PLCB1: variants seen among roughly 807,000 people sequenced by gnomAD.
PLCB1 encodes 1-phosphatidylinositol 4,5-bisphosphate phosphodiesterase beta-1.
A neutral mutation model predicts 161.8 loss-of-function variants in PLCB1; 46 were observed. The ratio of observed to expected loss-of-function variants is 0.28; its 90% CI spans 0.22 to 0.36. The LOEUF is 0.36. Among genes scored for constraint, PLCB1 ranks in the 10% least tolerant of loss-of-function variants. PLCB1 has a pLI of 1.00. For missense variants in PLCB1, 1,016 were observed against 1,472.5 expected (o/e 0.69, Z 5.07); for synonymous variants, 517 against 503.7 (o/e 1.03, Z -0.35).
At chr20:8,340,378 C>T (rs761063433) in intron 2 of PLCB1, among the ~76,000 whole-genome samples, 7 of 152,214 alleles carry the variant, frequency 4.6e-5, no homozygotes, top group Non-Finnish European at 8.8e-5. Flanking sequence ...CTCTATTATG[C>T]ATTTTCAAGG....
chr20:8,267,223 G>C (rs375717527), intron 2 of PLCB1, among the ~76,000 whole-genome samples: 3 of 151,334 alleles, frequency 2.0e-5, no homozygotes, highest in Non-Finnish European at 2.9e-5. Flanking sequence ...TTGGCTTTGT[G>C]CCAGATCCCC....
At chr20:8,739,412 T>A in intron 21 of PLCB1, 52 bp downstream of exon 21, 1 of 1,080,220 alleles carries the variant, frequency 9.3e-7, no homozygotes, top group Non-Finnish European at 1.4e-6. Flanking sequence ...AGAAAATCAT[T>A]ACTGCTTAAA....
At chr20:8,166,214 A>T (rs186794386) in intron 2 of PLCB1, among the ~76,000 whole-genome samples, 25 of 152,072 alleles carry the variant, frequency 1.6e-4, no homozygotes, top group African/African-American at 6.0e-4. Context: ...CCTTTCACCA[A>T]CTTTTCAATA....
At chr20:8,389,886 A>G (rs1987538695) in intron 3 of PLCB1, among the ~76,000 whole-genome samples, 1 of 152,196 alleles carries the variant, frequency 6.6e-6, no homozygotes, top group Admixed American at 6.6e-5. Flanking sequence ...TAAAGTTCCC[A>G]AGAGATTCCA....
At chr20:8,238,378 C>G (rs1404638412) in intron 2 of PLCB1, among the ~76,000 whole-genome samples, 1 of 151,924 alleles carries the variant, frequency 6.6e-6, no homozygotes, top group East Asian at 1.9e-4. Flanking sequence ...CAATGAATTC[C>G]AGGTTAGTGC....
intron 31 of PLCB1, among the ~76,000 whole-genome samples, chr20:8,880,669 C>T (rs1230298522): frequency 6.6e-6 from 1 of 152,090 alleles, no homozygotes; most frequent in Non-Finnish European, 1.5e-5. Context: ...TCTCAAAGTC[C>T]ACTCCACACT....
intron 3 of PLCB1, among the ~76,000 whole-genome samples, chr20:8,463,412 T>C (rs971043965): frequency 1.3e-5 from 2 of 152,114 alleles, no homozygotes; most frequent in Non-Finnish European, 2.9e-5. Flanking sequence ...ACAGTCATAC[T>C]ACATACCAGG....
chr20:8,542,489 T>C (rs898287983), intron 3 of PLCB1, among the ~76,000 whole-genome samples: 5 of 152,216 alleles, frequency 3.3e-5, no homozygotes, highest in Non-Finnish European at 7.3e-5. Flanking sequence ...GCTGTGAATA[T>C]GGCCTGGGAT....
chr20:8,166,775 G>A (rs546771427), intron 2 of PLCB1, among the ~76,000 whole-genome samples: 27 of 151,866 alleles, frequency 1.8e-4, no homozygotes, highest in Non-Finnish European at 3.1e-4. Flanking sequence ...TTTGTGCTCC[G>A]TCCACAATAG....
At chr20:8,783,615 G>A (rs1056409152) in intron 27 of PLCB1, among the ~76,000 whole-genome samples, 2 of 152,092 alleles carry the variant, frequency 1.3e-5, no homozygotes, top group South Asian at 2.1e-4. Flanking sequence ...ACTAACTTAG[G>A]CCAGAAGGGT....
intron 2 of PLCB1, among the ~76,000 whole-genome samples, chr20:8,279,305 A>G (rs1449342894): frequency 1.3e-5 from 2 of 152,212 alleles, no homozygotes; most frequent in East Asian, 1.9e-4. Context: ...TAAAAAAGCC[A>G]TGAAAGTCTG....
chr20:8,230,852 G>C lies in PLCB1; in HGVS notation c.177+80481G>C, dbSNP rs565531026. On this transcript the variant is annotated intron_variant, in intron 2 of 31. Transcript: ENST00000338037. ...TTTAGACTCTAGTTTAACATCCAGA[G>C]ATCTCATCATCTAGCAGAACTACCC... Among the ~76,000 whole-genome samples the C allele has an allele frequency of 1.6e-3, 249 of 152,166 alleles. 1 individual carries two copies. Among genetic ancestry groups the C allele is most frequent in the South Asian group, 3.5e-3 (17 of 4,824 alleles).
chr20:8,193,759 G>GT (rs1276273320), intron 2 of PLCB1, among the ~76,000 whole-genome samples: 2 of 151,920 alleles, frequency 1.3e-5, no homozygotes, highest in East Asian at 1.9e-4. Flanking sequence ...TCTCCCAATT[G>GT]TTTTTTATTT....
chr20:8,609,361 A>G (rs957068559), intron 3 of PLCB1, among the ~76,000 whole-genome samples: 3 of 152,208 alleles, frequency 2.0e-5, no homozygotes, highest in Admixed American at 6.5e-5. Context: ...GGAGATTAAA[A>G]GTTTGAAAAT....
chr20:8,178,578 A>G (rs574437837), intron 2 of PLCB1, among the ~76,000 whole-genome samples: 11 of 152,264 alleles, frequency 7.2e-5, no homozygotes, highest in African/African-American at 2.6e-4. Context: ...CATATTCTGC[A>G]GGCTGTCTAT....
chr20:8,792,551 A>G (rs193209158), intron 31 of PLCB1: 103 of 470,986 alleles, frequency 2.2e-4, no homozygotes, highest in African/African-American at 1.8e-3. Context: ...ATGAATTTTT[A>G]GTAGTTCTAT....
chr20:8,620,489 T>C (rs981824718), intron 3 of PLCB1, among the ~76,000 whole-genome samples: 7 of 151,874 alleles, frequency 4.6e-5, no homozygotes, highest in African/African-American at 1.7e-4. Flanking sequence ...CTTGCAATCC[T>C]AGCATTCTGG....
intron 2 of PLCB1, among the ~76,000 whole-genome samples, chr20:8,191,650 A>G (rs1263056137): frequency 6.6e-6 from 1 of 152,050 alleles, no homozygotes; most frequent in Non-Finnish European, 1.5e-5. Context: ...CAAAATGCGA[A>G]CGTGTGAGTT....
intron 3 of PLCB1, among the ~76,000 whole-genome samples, chr20:8,596,841 G>C (rs1469336896): frequency 1.3e-5 from 2 of 149,074 alleles, no homozygotes; most frequent in African/African-American, 2.4e-5. Flanking sequence ...TGGATTCCTA[G>C]GTATTTTATT....
Sources: allele counts gnomAD v4.1 joint callset (sites outside exome capture counted in the v4.1 genomes callset), GRCh38; gene constraint gnomAD v4.1.1; transcripts MANE v1.5; gene names NCBI Gene and HGNC (gene_info 2026-07-23, HGNC 2026-07-21).